Variants in WDR59 observed in about 807,000 individuals in gnomAD.
WDR59 encodes WD repeat domain 59.
In WDR59, 100 loss-of-function variants were observed where a neutral mutation model predicts 131.2. That is an observed-to-expected ratio of 0.76 (90% CI 0.65 to 0.90). The LOEUF is 0.90. Among genes scored for constraint, WDR59 ranks in the 40% least tolerant of loss-of-function variants. The pLI, the probability that WDR59 is intolerant of heterozygous loss-of-function variation, is 0.00. For synonymous variants in WDR59, 601 were observed against 466.2 expected (o/e 1.29, Z -3.72); for missense variants, 1,203 against 1,262.2 (o/e 0.95, Z 0.71).
intron 23 of WDR59, 45 bp from the exon 24 acceptor site, chr16:74,886,441 C>A: frequency 6.2e-7 from 1 of 1,601,888 alleles, no homozygotes; most frequent in Admixed American, 1.7e-5. Context: ...TCAGAGAAGG[C>A]ATGGAAAATA....
Position 74,885,807 on chromosome 16 carries a change from T to TA in WDR59, c.2547-13dup, listed in dbSNP as rs1964729113. ...CGGGGTCCAGGAGCCTGGATAAAGT[T>TA]AAAAAGATTTCCTGTCAGTTCCTTT... On this transcript the variant is annotated splice_polypyrimidine_tract_variant and intron_variant, in intron 24 of 25. Transcript: ENST00000262144. The TA allele has an allele frequency of 1.2e-6, 2 of 1,607,952 alleles. No homozygotes were observed. The highest frequency in any genetic ancestry group is 1.7e-6 in the Non-Finnish European group (2 of 1,178,520).
In WDR59 at chr16:74,904,100, T is replaced by C. The variant is rs61733727; in HGVS notation, c.1713A>G (p.Arg571=). The change falls in exon 18 of 26, where the codon AGA becomes AGG. Residue 571 remains arginine, a splice_region_variant and synonymous_variant. Transcript: ENST00000262144. The stretch of plus-strand genomic sequence containing the variant: ...GATAAGCAGACAAGGCTGAGAGAGA[T>C]CTGTAGTTGAAAATGATAATTATCC... ...RAVSPTEPTP[R]SLSALSAYHT... The C allele has an allele frequency of 4.3e-3, 6,975 of 1,612,148 alleles. 430 individuals carry two copies. The Admixed American group carries it at 0.1, about 24-fold the overall frequency.
intron 2 of WDR59, among the ~76,000 whole-genome samples, chr16:74,964,717 C>T (rs533960743): frequency 1.5e-4 from 23 of 151,886 alleles, no homozygotes; most frequent in African/African-American, 3.1e-4. Context: ...GGACTGTACT[C>T]GAGAGCAACA....
At chr16:74,983,936 C>T (rs2034523838) in intron 1 of WDR59, among the ~76,000 whole-genome samples, 2 of 151,652 alleles carry the variant, frequency 1.3e-5, no homozygotes, top group Admixed American at 1.3e-4. Flanking sequence ...CGGTGATTCA[C>T]GCCTCTGCAC....
chr16:74,893,494 T>C (rs1316855995), intron 19 of WDR59, among the ~76,000 whole-genome samples, 185 bp downstream of exon 19: 6 of 151,938 alleles, frequency 3.9e-5, no homozygotes, highest in African/African-American at 1.5e-4. Flanking sequence ...AACTGGAAGA[T>C]AAGAAATGAA....
chr16:74,889,682 T>G, intron 21 of WDR59, 21 bp downstream of exon 21: 1 of 1,600,714 alleles, frequency 6.2e-7, no homozygotes, highest in Non-Finnish European at 8.5e-7. Context: ...ATTTTTCTCA[T>G]TTTTAGCTCT....
intron 1 of WDR59, chr16:74,984,738 C>G: frequency 1.7e-6 from 1 of 599,958 alleles, no homozygotes; most frequent in Non-Finnish European, 2.9e-6. Context: ...CCCCACTCCC[C>G]TACCCGCGTA....
intron 2 of WDR59, among the ~76,000 whole-genome samples, chr16:74,958,012 G>A (rs530484122): frequency 2.6e-5 from 4 of 152,244 alleles, no homozygotes; most frequent in African/African-American, 7.2e-5. Context: ...CTGATCCTGC[G>A]ATGGCCAGCT....
At chr16:74,909,724 C>A (rs1355752302) in intron 15 of WDR59, 67 bp from the exon 16 acceptor site, 3 of 1,555,502 alleles carry the variant, frequency 1.9e-6, no homozygotes, top group Non-Finnish European at 1.7e-6. Flanking sequence ...AAAATAAAGA[C>A]CCAGTATGAC....
intron 3 of WDR59, among the ~76,000 whole-genome samples, chr16:74,955,324 G>A (rs1328564030): frequency 2.0e-5 from 3 of 152,154 alleles, no homozygotes; most frequent in Admixed American, 2.0e-4. Flanking sequence ...GGCCAGGGAT[G>A]CTGCTGAACT....
At chr16:74,897,591 T>C (rs903924770) in intron 18 of WDR59, among the ~76,000 whole-genome samples, 2 of 152,194 alleles carry the variant, frequency 1.3e-5, no homozygotes, top group African/African-American at 2.4e-5. Flanking sequence ...TGATCCGTAT[T>C]GGATGGATAA....
intron 1 of WDR59, 46 bp downstream of exon 1, chr16:74,984,918 C>A (rs766491231): frequency 6.3e-7 from 1 of 1,588,566 alleles, no homozygotes; most frequent in East Asian, 2.3e-5. Context: ...GGAGGGGAAG[C>A]GGGGAGGACG....
chr16:74,902,901 C>A (rs1258549999), intron 18 of WDR59, among the ~76,000 whole-genome samples: 1 of 150,614 alleles, frequency 6.6e-6, no homozygotes, highest in Admixed American at 6.6e-5. Flanking sequence ...AGGAAGGGGA[C>A]TATAGGAAAG....
In WDR59 at chr16:74,885,799, G is replaced by T. The variant is rs368220022; in HGVS notation, c.2547-4C>A. The T allele has an allele frequency of 1.9e-6, 3 of 1,608,722 alleles. No homozygotes were observed. The highest frequency in any genetic ancestry group is 2.7e-5 in the African/African-American group (2 of 74,514). On this transcript the variant is annotated splice_region_variant and splice_polypyrimidine_tract_variant and intron_variant, in intron 24 of 25. Coordinates refer to ENST00000262144, the MANE Select transcript of WDR59 (RefSeq NM_030581.4). The stretch of plus-strand genomic sequence containing the variant: ...GGTATTGGCGGGGTCCAGGAGCCTG[G>T]ATAAAGTTAAAAAGATTTCCTGTCA...
chr16:74,887,968 AT>A (rs1388542521), intron 22 of WDR59, among the ~76,000 whole-genome samples, 200 bp downstream of exon 22: 1 of 152,078 alleles, frequency 6.6e-6, no homozygotes. Context: ...AACCACAAAA[AT>A]ATACCAAGAG....
Position 74,912,272 on chromosome 16 carries a change from T to C in WDR59, c.1315A>G (p.Asn439Asp). 1 of 1,614,132 alleles carries C rather than the reference T, an allele frequency of 6.2e-7. No individual in the cohort carries two copies. The highest frequency in any genetic ancestry group is 8.5e-7 in the Non-Finnish European group (1 of 1,180,014). Residue 439 changes from asparagine to aspartate, a missense_variant, in exon 14 of 26, where the codon AAC (asparagine) becomes GAC (aspartate). Asn to Asp is a conservative substitution (Grantham distance 23). Transcript: ENST00000262144. Reference protein sequence around the residue: ...MLVKFPAQYPNNAAPSFQFIN... With the variant: ...MLVKFPAQYPDNAAPSFQFIN... ...AACTGGAAGGAAGGGGCGGCGTTGTTTGGGTACTGTGCAGGGAACTTCACC... is the reference window on the plus strand; with the variant it reads ...AACTGGAAGGAAGGGGCGGCGTTGTCTGGGTACTGTGCAGGGAACTTCACC...
At chr16:74,908,368 G>C (rs577502622) in intron 17 of WDR59, among the ~76,000 whole-genome samples, 61 of 152,280 alleles carry the variant, frequency 4.0e-4, no homozygotes, top group Middle Eastern at 3.4e-3. Flanking sequence ...TGTAAGCTAT[G>C]ATCATGCCAC....
intron 20 of WDR59, among the ~76,000 whole-genome samples, chr16:74,890,692 C>T (rs951336740): frequency 2.0e-5 from 3 of 152,254 alleles, no homozygotes; most frequent in Middle Eastern, 3.4e-3. Flanking sequence ...GGAATACCTC[C>T]CCGACTTGAA....
At chr16:74,902,432 T>C (rs952621842) in intron 18 of WDR59, among the ~76,000 whole-genome samples, 1 of 117,638 alleles carries the variant, frequency 8.5e-6, no homozygotes, top group African/African-American at 4.6e-5. Context: ...ATTACGGTGT[T>C]TGTAGTAAAA....
Sources: gnomAD v4.1 joint callset for allele counts (sites outside exome capture counted in the v4.1 genomes callset) on GRCh38, gnomAD v4.1.1 for gene constraint, MANE v1.5 for transcripts, NCBI Gene and HGNC (gene_info 2026-07-23, HGNC 2026-07-21) for gene names.